ARG2: variants seen among roughly 807,000 people sequenced by gnomAD.
The protein encoded by ARG2 is arginase-2, mitochondrial.
ARG2 carries 21 observed loss-of-function variants against 39.4 expected under a neutral mutation model. The ratio of observed to expected loss-of-function variants is 0.53; its 90% CI spans 0.38 to 0.77. The LOEUF is 0.77. Ranked by LOEUF, ARG2 falls within the 30% of genes least tolerant of loss-of-function variation. The probability of loss-of-function intolerance (pLI) is 0.00; values close to 1 mark genes in which losing one functional copy is unlikely to be tolerated. For synonymous variants in ARG2, 150 were observed against 156.7 expected, an observed-to-expected ratio of 0.96 and a Z score of 0.32; for missense variants, 378 against 426.2, an observed-to-expected ratio of 0.89 and a Z score of 1.00.
At chr14:67,627,413 C>T (rs1330742590) in intron 2 of ARG2, among the ~76,000 whole-genome samples, 1 of 151,912 alleles carries the variant, frequency 6.6e-6, no homozygotes, top group Non-Finnish European at 1.5e-5. Flanking sequence ...AGTAAAGACA[C>T]ATTACAAATC....
intron 2 of ARG2, among the ~76,000 whole-genome samples, chr14:67,627,470 T>A (rs535532674): frequency 6.6e-6 from 1 of 152,098 alleles, no homozygotes; most frequent in Non-Finnish European, 1.5e-5. Context: ...GTTTTGGGCA[T>A]TGAAAAGAGA....
chr14:67,627,465 G>C (rs2036879660), intron 2 of ARG2, among the ~76,000 whole-genome samples: 1 of 151,862 alleles, frequency 6.6e-6, no homozygotes, highest in Non-Finnish European at 1.5e-5. Context: ...CTCTAGTTTT[G>C]GGCATTGAAA....
Position 67,619,998 on chromosome 14 carries a change from C to G in ARG2, c.21C>G (p.Leu7=). 1 of 1,607,932 alleles carries G rather than the reference C, an allele frequency of 6.2e-7. No homozygotes were observed. The highest frequency in any genetic ancestry group is 2.3e-5 in the East Asian group (1 of 44,110). MSLRGS[L]SRLLQTRVHS... ...GGATCATGTCCCTAAGGGGCAGCCT[C>G]TCGCGTCTCCTCCAGACGCGAGTGC... The change falls in exon 1 of 8, where the codon CTC becomes CTG. Residue 7 remains leucine (L), a synonymous_variant. Transcript: ENST00000261783.
intron 6 of ARG2, 154 bp downstream of exon 6, chr14:67,647,179 CAT>C: frequency 1.8e-6 from 1 of 544,284 alleles, no homozygotes; most frequent in East Asian, 3.0e-5. Flanking sequence ...AAACACAGGT[CAT>C]ATTCTTCCTC....
chr14:67,645,833 A>G, intron 4 of ARG2, 31 bp downstream of exon 4: 1 of 1,610,760 alleles, frequency 6.2e-7, no homozygotes, highest in Non-Finnish European at 8.5e-7. Flanking sequence ...AGAAAGGTGA[A>G]TGGCTTGCAG....
chr14:67,624,063 ACTC>A (rs752118710), intron 2 of ARG2, among the ~76,000 whole-genome samples: 61 of 152,144 alleles, frequency 4.0e-4, no homozygotes, highest in Non-Finnish European at 7.9e-4. Flanking sequence ...CTGGTCCCGA[ACTC>A]CTGGGCTTAA....
intron 2 of ARG2, among the ~76,000 whole-genome samples, chr14:67,631,975 A>G (rs13343242): frequency 0.088 from 13,351 of 152,206 alleles, 641 homozygotes; most frequent in Middle Eastern, 0.18. Flanking sequence ...CATGGGCTCA[A>G]GTGATTCTTC....
intron 2 of ARG2, among the ~76,000 whole-genome samples, 174 bp downstream of exon 2, chr14:67,621,140 C>G (rs1334657386): frequency 2.0e-5 from 3 of 152,180 alleles, no homozygotes; most frequent in Non-Finnish European, 4.4e-5. Flanking sequence ...CAGGGAAAGT[C>G]TTCTTGCAAT....
At chr14:67,622,916 T>G (rs2036826003) in intron 2 of ARG2, among the ~76,000 whole-genome samples, 2 of 152,232 alleles carry the variant, frequency 1.3e-5, no homozygotes, top group South Asian at 4.1e-4. Flanking sequence ...CTCTTACTCA[T>G]GCTTTGTAGA....
chr14:67,629,206 C>G (rs901516783), intron 2 of ARG2, among the ~76,000 whole-genome samples: 6 of 152,040 alleles, frequency 3.9e-5, no homozygotes, highest in African/African-American at 1.4e-4. Context: ...TGTGGTGGTG[C>G]ATGCACATAG....
chr14:67,642,305 G>T lies in ARG2; in HGVS notation c.304G>T (p.Val102Leu), dbSNP rs374495866. Residue 102 changes from valine (V) to leucine (L), a missense_variant, in exon 3 of 8, where the codon GTG becomes TTG. By Grantham distance (32) the Val-to-Leu change is conservative. Transcript: ENST00000261783. ...TCTTGCCAACCAGGAACTGGCTGAG[G>T]TGGTTAGCAGAGCTGTGTCAGATGG... ...VGLANQELAE[V>L]VSRAVSDGYS... is the part of the protein sequence containing the mutation. The T allele has an allele frequency of 6.2e-7, 1 of 1,614,122 alleles. No homozygotes were observed. The highest frequency in any genetic ancestry group is 1.3e-5 in the African/African-American group (1 of 75,040).
intron 4 of ARG2, chr14:67,646,394 T>G: frequency 2.1e-5 from 10 of 473,178 alleles, no homozygotes; most frequent in East Asian, 3.5e-5. Context: ...GGTAAGTTAA[T>G]GAGAAACCAA....
At chr14:67,631,004 T>A (rs56256221) in intron 2 of ARG2, among the ~76,000 whole-genome samples, 19,089 of 152,238 alleles carry the variant, frequency 0.13, 1,224 homozygotes, top group Admixed American at 0.14. Flanking sequence ...GCCCTCTCCC[T>A]ATGCTCTAGA....
intron 3 of ARG2, 93 bp from the exon 4 acceptor site, chr14:67,645,550 T>G: frequency 6.3e-6 from 9 of 1,431,796 alleles, no homozygotes; most frequent in Non-Finnish European, 8.6e-6. Context: ...CTTTGCACTG[T>G]GGAGAGAGTA....
intron 2 of ARG2, 65 bp downstream of exon 2, chr14:67,621,031 C>T (rs2036805041): frequency 6.7e-7 from 1 of 1,484,080 alleles, no homozygotes; most frequent in Non-Finnish European, 9.4e-7. Flanking sequence ...AGTCTTTTCT[C>T]TGACATCCAG....
chr14:67,621,451 G>C (rs190201444), intron 2 of ARG2, among the ~76,000 whole-genome samples: 160 of 150,728 alleles, frequency 1.1e-3, no homozygotes, highest in Non-Finnish European at 1.9e-3. Context: ...TATTTTCCGT[G>C]TTCTTTTTTT....
At chr14:67,631,775 A>G (rs1338766511) in intron 2 of ARG2, among the ~76,000 whole-genome samples, 2 of 152,044 alleles carry the variant, frequency 1.3e-5, no homozygotes, top group Non-Finnish European at 2.9e-5. Context: ...CAGTGTTCTC[A>G]GGATTCTGTC....
At chr14:67,630,490 G>A (rs1201538373) in intron 2 of ARG2, among the ~76,000 whole-genome samples, 6 of 152,280 alleles carry the variant, frequency 3.9e-5, no homozygotes, top group South Asian at 4.1e-4. Context: ...AAGTTGCTGC[G>A]GGACACGGTT....
intron 6 of ARG2, 60 bp downstream of exon 6, chr14:67,647,085 T>C: frequency 1.8e-6 from 2 of 1,087,286 alleles, no homozygotes; most frequent in Non-Finnish European, 2.8e-6. Context: ...TTTTAGCCTG[T>C]TTCTTGAGGA....
Sources: gnomAD v4.1 joint callset for allele counts (sites outside exome capture counted in the v4.1 genomes callset) on GRCh38, gnomAD v4.1.1 for gene constraint, MANE v1.5 for transcripts, NCBI Gene and HGNC (gene_info 2026-07-23, HGNC 2026-07-21) for gene names.